Variants in AMPD1 observed in about 807,000 individuals in gnomAD.
The protein encoded by AMPD1 is adenosine monophosphate deaminase 1.
AMPD1 carries 74 observed loss-of-function variants against 82.9 expected under a neutral mutation model. The ratio of observed to expected loss-of-function variants is 0.89; its 90% CI spans 0.74 to 1.08. The LOEUF (loss-of-function observed/expected upper bound fraction) is 1.08. Ranked by LOEUF, AMPD1 falls within the 50% of genes least tolerant of loss-of-function variation. The pLI is 0.00. For missense variants in AMPD1, 881 were observed against 924.5 expected (o/e 0.95, Z 0.61); for synonymous variants, 333 against 320.5 (o/e 1.04, Z -0.42).
At chr1:114,678,213 T>C in intron 8 of AMPD1, 120 bp downstream of exon 8, 1 of 1,473,100 alleles carries the variant, frequency 6.8e-7, no homozygotes, top group South Asian at 1.1e-5. Context: ...TCTGTGGTGC[T>C]TTCAGGCAGC....
chr1:114,680,741 C>T (rs1342364321), intron 5 of AMPD1, among the ~76,000 whole-genome samples: 4 of 151,818 alleles, frequency 2.6e-5, no homozygotes, highest in Non-Finnish European at 5.9e-5. Context: ...CCAAGGCAGG[C>T]AGATCACCTG....
At chr1:114,680,639 T>C (rs931165752) in intron 5 of AMPD1, among the ~76,000 whole-genome samples, 161 bp from the exon 6 acceptor site, 1 of 152,230 alleles carries the variant, frequency 6.6e-6, no homozygotes, top group Non-Finnish European at 1.5e-5. Context: ...GCATTATTTT[T>C]TAAAGGTGAC....
Position 114,684,237 on chromosome 1 carries a change from T to A in AMPD1, c.509A>T (p.Asp170Val), listed in dbSNP as rs572362619. The A allele has an allele frequency of 1.9e-6, 3 of 1,614,166 alleles. No homozygotes were observed. Among genetic ancestry groups the A allele is most frequent in the East Asian group, 4.5e-5 (2 of 44,882 alleles). ...CTCATTTGCTACCCAAGCCTCACCA[T>A]CAATGTTCCGCAAGTATTTGGAAGG... ...KTPSKYLRNI[D>V]GEAWVANESF... is the part of the protein sequence containing the mutation. The change falls in exon 5 of 16, where the codon GAT (aspartate) becomes GTT (valine). Residue 170 changes from aspartate (D) to valine (V), a missense_variant. This residue lies in a region of AMPD1 where 783 missense variants were observed against 786.4 expected (regional missense o/e 1.00). Coordinates refer to ENST00000520113, the MANE Select transcript of AMPD1 (RefSeq NM_000036.3).
At chr1:114,691,991 G>A (rs1166997188) in intron 2 of AMPD1, among the ~76,000 whole-genome samples, 1 of 152,140 alleles carries the variant, frequency 6.6e-6, no homozygotes, top group Non-Finnish European at 1.5e-5. Context: ...ATGGCCTTGG[G>A]CAAACCACAT....
chr1:114,692,268 C>G lies in AMPD1; in HGVS notation c.34+1168G>C, dbSNP rs549865007. ...TGTGTAGGAAAGACAAGGTTGTAGGCCTTCGTCTGCCACATTTCATCTCCC... is the reference window on the plus strand; with the variant it reads ...TGTGTAGGAAAGACAAGGTTGTAGGGCTTCGTCTGCCACATTTCATCTCCC... On this transcript the variant is annotated intron_variant, in intron 2 of 15. Transcript: ENST00000520113. Among the ~76,000 whole-genome samples the G allele has an allele frequency of 4.3e-4, 65 of 152,270 alleles. 1 individual carries two copies. The highest frequency in any genetic ancestry group is 1.5e-3 in the African/African-American group (63 of 41,540).
Position 114,691,583 on chromosome 1 carries a change from G to A in AMPD1, c.34+1853C>T, listed in dbSNP as rs184562738. On this transcript the variant is annotated intron_variant, in intron 2 of 15. Coordinates refer to ENST00000520113, the MANE Select transcript of AMPD1 (RefSeq NM_000036.3). ...AACAAACAAACAAAACAAATTTCAG[G>A]GAATGGTGGTGATTATAGAAAGGAA... is the stretch of plus-strand genomic sequence containing the variant. 6.0e-4 allele frequency among the ~76,000 whole-genome samples: 90 copies of A among 151,016 alleles called. 1 individual carries two copies. The highest frequency in any genetic ancestry group is 5.5e-3 in the Admixed American group (84 of 15,164).
chr1:114,690,196 C>T (rs138717598), intron 2 of AMPD1, among the ~76,000 whole-genome samples: 1,922 of 152,306 alleles, frequency 0.013, 15 homozygotes, highest in Non-Finnish European at 0.02. Context: ...CCTACATCTT[C>T]CTCTATTTCC....
At chr1:114,673,381 GAATAAT>G in intron 15 of AMPD1, 109 bp from the exon 16 acceptor site, 2 of 1,256,298 alleles carry the variant, frequency 1.6e-6, no homozygotes, top group Non-Finnish European at 2.3e-6. Context: ...ACTGACAAAA[GAATAAT>G]AATAATAGAC....
intron 5 of AMPD1, 54 bp downstream of exon 5, chr1:114,684,145 T>A (rs933450230): frequency 1.3e-6 from 2 of 1,536,768 alleles, no homozygotes; most frequent in Admixed American, 3.4e-5. Flanking sequence ...TTAAATTTAA[T>A]ATTTAGTAGT....
In AMPD1 at chr1:114,686,776, C is replaced by G; in HGVS notation, c.350G>C (p.Arg117Thr). The change falls in exon 4 of 16, where the codon AGA (arginine) becomes ACA (threonine). Residue 117 changes from arginine (R) to threonine (T), a missense_variant. By Grantham distance (71) the Arg-to-Thr change is moderately conservative (BLOSUM62 -1). This residue lies in a region of AMPD1 where 783 missense variants were observed against 786.4 expected (regional missense o/e 1.00). Coordinates refer to ENST00000520113, the MANE Select transcript of AMPD1 (RefSeq NM_000036.3). ...PTYQTVPDFQ[R>T]VQITGDYASG... is the part of the protein sequence containing the mutation. ...GGCATAGTCACCAGTAATCTGCACT[C>G]TCTGAAAATCAGGCACGGTCTGGTA... is the stretch of plus-strand genomic sequence containing the variant. 6.2e-7 allele frequency: 1 copy of G among 1,614,138 alleles called. No homozygotes were observed. Among genetic ancestry groups the G allele is most frequent in the South Asian group, 1.1e-5 (1 of 91,080 alleles).
intron 5 of AMPD1, among the ~76,000 whole-genome samples, chr1:114,682,175 C>T (rs1250492033): frequency 6.6e-6 from 1 of 152,128 alleles, no homozygotes; most frequent in Non-Finnish European, 1.5e-5. Context: ...CAGAAAGCCT[C>T]CTGTTTACAA....
At chr1:114,686,632 G>T in intron 4 of AMPD1, 113 bp downstream of exon 4, 2 of 1,099,986 alleles carry the variant, frequency 1.8e-6, no homozygotes, top group East Asian at 2.5e-5. Flanking sequence ...GTGTAACAAA[G>T]GACAGGTGAG....
chr1:114,677,201 C>G, intron 10 of AMPD1, 150 bp downstream of exon 10: 1 of 1,052,042 alleles, frequency 9.5e-7, no homozygotes, highest in Non-Finnish European at 1.4e-6. Flanking sequence ...CCAGAGTGGA[C>G]AAAACCAAGC....
intron 1 of AMPD1, among the ~76,000 whole-genome samples, chr1:114,693,741 C>A (rs1658590225): frequency 6.6e-6 from 1 of 152,130 alleles, no homozygotes; most frequent in African/African-American, 2.4e-5. Context: ...GATGGGAATG[C>A]TCATATGATG....
Position 114,679,591 on chromosome 1 carries a change from A to T in AMPD1, c.885T>A (p.Tyr295Ter), listed in dbSNP as rs762806667. Residue 295 changes from tyrosine (Y) to a stop codon, truncating the protein, a stop_gained, in exon 7 of 16, where the codon TAT (tyrosine) becomes TAA (stop). Transcript: ENST00000520113. LOFTEE classifies it high-confidence loss of function. ...CTAAAATGTTTACCTTCCTGCAGTT[A>T]TAAAAATCTCGGTGGGGGTTGTTTT... ...ELKNNPHRDF[Y>*]NCRKVDTHIH... 1.2e-6 allele frequency: 2 copies of T among 1,613,964 alleles called. No homozygotes were observed. The highest frequency in any genetic ancestry group is 2.7e-5 in the African/African-American group (2 of 74,936).
intron 3 of AMPD1, among the ~76,000 whole-genome samples, chr1:114,688,159 G>A (rs540009527): frequency 2.0e-5 from 3 of 151,782 alleles, no homozygotes; most frequent in South Asian, 2.1e-4. Context: ...ACAGACTCTC[G>A]CTCTGTCACG....
At chr1:114,693,785 T>C (rs1043530467) in intron 1 of AMPD1, among the ~76,000 whole-genome samples, 2 of 152,224 alleles carry the variant, frequency 1.3e-5, no homozygotes, top group Non-Finnish European at 1.5e-5. Context: ...GCTCATTTGG[T>C]AAACAATTTA....
rs375623705 is a variant in AMPD1 at position 114,674,793 on chromosome 1, T to C, written c.1759A>G (p.Met587Val). 6.2e-7 allele frequency: 1 copy of C among 1,613,818 alleles called. No homozygotes were observed. The highest frequency in any genetic ancestry group is 8.5e-7 in the Non-Finnish European group (1 of 1,179,664). ...CCATGAGAGATATCATCTGCTATCA[T>C]GAATGCTGTCATGAGATGGGTGAGG... Reference protein sequence around the residue: ...GALTHLMTAFMIADDISHGLN... With the variant: ...GALTHLMTAFVIADDISHGLN... Residue 587 changes from methionine to valine, a missense_variant, in exon 13 of 16, where the codon ATG becomes GTG. Coordinates refer to ENST00000520113, the MANE Select transcript of AMPD1 (RefSeq NM_000036.3).
intron 13 of AMPD1, among the ~76,000 whole-genome samples, 188 bp downstream of exon 13, chr1:114,674,564 C>T (rs1570836595): frequency 6.6e-6 from 1 of 152,298 alleles, no homozygotes; most frequent in East Asian, 1.9e-4. Flanking sequence ...CAGCAACTAG[C>T]AAGGTAATCT....
Sources: gnomAD v4.1 joint callset for allele counts (sites outside exome capture counted in the v4.1 genomes callset) on GRCh38, gnomAD v4.1.1 for gene constraint, gnomAD v4.1.1 regional missense constraint, MANE v1.5 for transcripts, NCBI Gene and HGNC (gene_info 2026-07-23, HGNC 2026-07-21) for gene names.